TUBAL3: variants seen among roughly 807,000 people sequenced by gnomAD.
The protein encoded by TUBAL3 is tubulin alpha chain-like 3.
A neutral mutation model predicts 15.5 loss-of-function variants in TUBAL3; 16 were observed. The ratio of observed to expected loss-of-function variants is 1.04; its 90% CI spans 0.70 to 1.57. The LOEUF is 1.57. TUBAL3 is among the 40% of genes most tolerant of loss of function. The pLI is 0.00. For missense variants in TUBAL3, 609 were observed against 576.2 expected, an observed-to-expected ratio of 1.06 and a Z score of -0.58; for synonymous variants, 238 against 224.3, an observed-to-expected ratio of 1.06 and a Z score of -0.55.
rs1458301080 is a variant in TUBAL3 at position 5,395,110 on chromosome 10, A to AC, written c.396+216dup. On this transcript the variant is annotated intron_variant, in intron 3 of 3. Transcript: ENST00000380419. This position sits in a 1 kb window ranked among gnomAD's most constrained non-coding sequence, Gnocchi z 4.6. ...CCAGGGATGATCAGGTGATCAGGGG[A>AC]CCCCCCAGTAAGTATAAAAGTTTCT... 2.0e-5 allele frequency among the ~76,000 whole-genome samples: 3 copies of AC among 152,022 alleles called. No individual in the cohort carries two copies. Among genetic ancestry groups the AC allele is most frequent in the Non-Finnish European group, 2.9e-5 (2 of 68,002 alleles).
At chr10:5,399,484 G>A (rs1831816822) in intron 2 of TUBAL3, among the ~76,000 whole-genome samples, 1 of 152,180 alleles carries the variant, frequency 6.6e-6, no homozygotes, top group African/African-American at 2.4e-5. Context: ...CAACCACCAG[G>A]CACCCTGGTC....
chr10:5,394,312 G>A lies in TUBAL3; in HGVS notation c.546C>T (p.Pro182=). The A allele has an allele frequency of 6.2e-7, 1 of 1,613,580 alleles. No homozygotes were observed. Among genetic ancestry groups the A allele is most frequent in the Non-Finnish European group, 8.5e-7 (1 of 1,179,546 alleles). ...TKLEFSVYPA[P]RISTAVVEPY... is the part of the protein sequence containing the mutation. Reference sequence around the variant, plus strand: ...GCTCTACCACAGCAGTGGAGATCCTGGGGGCTGGGTAGACCGAGAACTCCA... The same window carrying A: ...GCTCTACCACAGCAGTGGAGATCCTAGGGGCTGGGTAGACCGAGAACTCCA... The change falls in exon 4 of 4, where the codon CCC becomes CCT. Residue 182 remains proline, a synonymous_variant. Coordinates refer to ENST00000380419, the MANE Select transcript of TUBAL3 (RefSeq NM_024803.3). This position sits in a 1 kb window ranked among gnomAD's most constrained non-coding sequence, Gnocchi z 4.3.
Position 5,396,997 on chromosome 10 carries a change from T to C in TUBAL3, c.248-1522A>G, listed in dbSNP as rs551138946. 1.8e-4 allele frequency among the ~76,000 whole-genome samples: 27 copies of C among 152,306 alleles called. No individual in the cohort carries two copies. Among genetic ancestry groups the C allele is most frequent in the Admixed American group, 1.1e-3 (17 of 15,292 alleles). On this transcript the variant is annotated intron_variant, in intron 2 of 3. Coordinates refer to ENST00000380419, the MANE Select transcript of TUBAL3 (RefSeq NM_024803.3). This position sits in a 1 kb window ranked among gnomAD's most constrained non-coding sequence, Gnocchi z 5.1. The stretch of plus-strand genomic sequence containing the variant: ...AAGGATTATAACAAGATCTACCCCA[T>C]TGAGCTGTTACGAGAACATAGGGCA...
At chr10:5,398,240 G>A (rs1241823008) in intron 2 of TUBAL3, among the ~76,000 whole-genome samples, 1 of 152,034 alleles carries the variant, frequency 6.6e-6, no homozygotes, top group Non-Finnish European at 1.5e-5. Context: ...GGCCAACGTG[G>A]TGAAACCCTG....
At position 5,401,098 on chromosome 10, in the gene TUBAL3, T is replaced by A. The variant is rs1564452575; in HGVS notation, c.4-11A>T. ...GGAAAGGCACTCCCTCTAAAATAAGTCATGGTGAGTTGGAACTGAGCAGGT... is the reference window on the plus strand; with the variant it reads ...GGAAAGGCACTCCCTCTAAAATAAGACATGGTGAGTTGGAACTGAGCAGGT... On this transcript the variant is annotated splice_polypyrimidine_tract_variant and intron_variant, in intron 1 of 3. Coordinates refer to ENST00000380419, the MANE Select transcript of TUBAL3 (RefSeq NM_024803.3). 1 of 1,613,614 alleles carries A rather than the reference T, an allele frequency of 6.2e-7. No individual in the cohort carries two copies. Among genetic ancestry groups the A allele is most frequent in the East Asian group, 2.2e-5 (1 of 44,878 alleles).
rs1169331029 is a variant in TUBAL3, at chr10:5,394,072, G to T, written c.786C>A (p.Phe262Leu). Residue 262 changes from phenylalanine (F) to leucine (L), a missense_variant, in exon 4 of 4, where the codon TTC becomes TTA. By Grantham distance (22) the Phe-to-Leu change is conservative. Coordinates refer to ENST00000380419, the MANE Select transcript of TUBAL3 (RefSeq NM_024803.3). This position sits in a 1 kb window ranked among gnomAD's most constrained non-coding sequence, Gnocchi z 4.3. The stretch of plus-strand genomic sequence containing the variant: ...TCGGATAAGGTACCAGGTTGGTCTG[G>T]AATTCAATTAGGTCTACATTCAAGG... The part of the protein sequence containing the change: ...EGPLNVDLIE[F>L]QTNLVPYPRI... The T allele has an allele frequency of 1.2e-6, 2 of 1,614,066 alleles. No individual in the cohort carries two copies. The highest frequency in any genetic ancestry group is 1.7e-6 in the Non-Finnish European group (2 of 1,180,044).
chr10:5,399,912 T>C (rs1831824395), intron 2 of TUBAL3, among the ~76,000 whole-genome samples: 1 of 152,334 alleles, frequency 6.6e-6, no homozygotes, highest in South Asian at 2.1e-4. Context: ...GCAATCATTA[T>C]TGCCTTAAAC....
chr10:5,400,735 G>T, intron 2 of TUBAL3, 109 bp downstream of exon 2: 1 of 1,393,076 alleles, frequency 7.2e-7, no homozygotes, highest in Non-Finnish European at 9.9e-7. Context: ...TTTGGGAAAG[G>T]TCCATGTGAT....
chr10:5,403,555 A>AG (rs1217913936), intron 1 of TUBAL3, among the ~76,000 whole-genome samples: 16 of 151,216 alleles, frequency 1.1e-4, no homozygotes, highest in Admixed American at 5.3e-4. Flanking sequence ...AAAAAAAAAA[A>AG]GATTGTTCCT....
At chr10:5,398,787 G>A (rs773835281) in intron 2 of TUBAL3, among the ~76,000 whole-genome samples, 1 of 152,016 alleles carries the variant, frequency 6.6e-6, no homozygotes, top group Non-Finnish European at 1.5e-5. Flanking sequence ...ATCAGCTGTT[G>A]TTAGTGTGAG....
rs1037365813 is a variant in TUBAL3 at position 5,395,870 on chromosome 10, C to T, written c.248-395G>A. 6.6e-6 allele frequency among the ~76,000 whole-genome samples: 1 copy of T among 152,142 alleles called. No individual in the cohort carries two copies. The highest frequency in any genetic ancestry group is 1.5e-5 in the Non-Finnish European group (1 of 68,006). Reference sequence around the variant, plus strand: ...CGTCTGGTCCAAACATCTCTCCTGGCACCGGGTGACTTACAATTCTTAGCT... The same window carrying T: ...CGTCTGGTCCAAACATCTCTCCTGGTACCGGGTGACTTACAATTCTTAGCT... On this transcript the variant is annotated intron_variant, in intron 2 of 3. Coordinates refer to ENST00000380419, the MANE Select transcript of TUBAL3 (RefSeq NM_024803.3). The surrounding 1 kb of genome is among the most constrained non-coding windows in gnomAD (Gnocchi z 4.6).
rs782181570 is a variant in TUBAL3, at chr10:5,397,672, GA to G, written c.248-2198del. 6.6e-6 allele frequency among the ~76,000 whole-genome samples: 1 copy of G among 152,152 alleles called. No homozygotes were observed. The highest frequency in any genetic ancestry group is 2.4e-5 in the African/African-American group (1 of 41,424). On this transcript the variant is annotated intron_variant, in intron 2 of 3. Transcript: ENST00000380419. This position sits in a 1 kb window ranked among gnomAD's most constrained non-coding sequence, Gnocchi z 4.9. ...GGTGCCCTTAATCAATATCCTCAGA[GA>G]CATCAATGGCTTTTGAACAATTACA...
In TUBAL3 at chr10:5,393,255, C is replaced by A; in HGVS notation, c.*262G>T. Reference sequence around the variant, plus strand: ...GTCTCTTGGTAAAACAAAAAAATCCCACCTAGAAGTGACTCAGCAGTTCAA... The same window carrying A: ...GTCTCTTGGTAAAACAAAAAAATCCAACCTAGAAGTGACTCAGCAGTTCAA... On this transcript the variant is annotated 3_prime_UTR_variant, in exon 4 of 4. Coordinates refer to ENST00000380419, the MANE Select transcript of TUBAL3 (RefSeq NM_024803.3). The A allele has an allele frequency of 2.7e-6, 1 of 366,962 alleles. No homozygotes were observed. The highest frequency in any genetic ancestry group is 4.1e-5 in the East Asian group (1 of 24,166). 22.7% of individuals were successfully genotyped at this position (366,962 alleles called of 1,614,324 possible).
Position 5,400,935 on chromosome 10 carries a change from T to C in TUBAL3, c.156A>G (p.Thr52=). The part of the protein sequence containing the change: ...DQLENAKMEH[T]NASFDTFFCE... Reference sequence around the variant, plus strand: ...AGAAGAAGGTATCGAAAGATGCATTTGTGTGCTCCATTTTTGCATTTTCCA... The same window carrying C: ...AGAAGAAGGTATCGAAAGATGCATTCGTGTGCTCCATTTTTGCATTTTCCA... The change falls in exon 2 of 4, where the codon ACA becomes ACG. Residue 52 remains threonine, a synonymous_variant. Coordinates refer to ENST00000380419, the MANE Select transcript of TUBAL3 (RefSeq NM_024803.3). 6.2e-7 allele frequency: 1 copy of C among 1,614,238 alleles called. No individual in the cohort carries two copies.
chr10:5,401,017 C>A lies in TUBAL3; in HGVS notation c.74G>T (p.Cys25Phe). The stretch of plus-strand genomic sequence containing the variant: ...ATTTGGCTGGATTCCATGTTCCAGG[C>A]AATAGAGTTCCCAGCAGGCGTCCCC... ...QIGDACWELYCLEHGIQPNGV... is the reference protein window; with the variant it reads ...QIGDACWELYFLEHGIQPNGV... The change falls in exon 2 of 4, where the codon TGC (cysteine) becomes TTC (phenylalanine). Residue 25 changes from cysteine (C) to phenylalanine (F), a missense_variant. Cys to Phe is a radical substitution (Grantham distance 205). Coordinates refer to ENST00000380419, the MANE Select transcript of TUBAL3 (RefSeq NM_024803.3). The A allele has an allele frequency of 6.2e-7, 1 of 1,614,130 alleles. No homozygotes were observed. The highest frequency in any genetic ancestry group is 8.5e-7 in the Non-Finnish European group (1 of 1,180,016).
Position 5,400,827 on chromosome 10 carries a change from T to C in TUBAL3, c.247+17A>G, listed in dbSNP as rs189852688. 3.3e-4 allele frequency: 527 copies of C among 1,613,872 alleles called. 1 individual carries two copies. The African/African-American group carries it at 6.0e-3, about 18-fold the overall frequency. On this transcript the variant is annotated intron_variant, in intron 2 of 3. Coordinates refer to ENST00000380419, the MANE Select transcript of TUBAL3 (RefSeq NM_024803.3). ...GTGGCTCCAGTTAAGTATGCTAGAATGGAACATTTATTGTACCTATAACAG... is the reference window on the plus strand; with the variant it reads ...GTGGCTCCAGTTAAGTATGCTAGAACGGAACATTTATTGTACCTATAACAG...
chr10:5,399,442 T>G (rs1330934031), intron 2 of TUBAL3, among the ~76,000 whole-genome samples: 3 of 152,202 alleles, frequency 2.0e-5, no homozygotes, highest in Non-Finnish European at 4.4e-5. Context: ...GGCAGCCATC[T>G]GCAAGCTGGG....
chr10:5,398,677 C>G (rs1310093473), intron 2 of TUBAL3, among the ~76,000 whole-genome samples: 2 of 152,204 alleles, frequency 1.3e-5, no homozygotes, highest in Non-Finnish European at 2.9e-5. Flanking sequence ...GCAAGCTTGT[C>G]CATCCCGCAG....
intron 1 of TUBAL3, among the ~76,000 whole-genome samples, chr10:5,404,520 G>C (rs1194637737): frequency 6.6e-6 from 1 of 152,106 alleles, no homozygotes; most frequent in East Asian, 1.9e-4. Context: ...GGAAGGAAAG[G>C]TTTTTGCTTC....
Sources: allele counts gnomAD v4.1 joint callset (sites outside exome capture counted in the v4.1 genomes callset), GRCh38; gene constraint gnomAD v4.1.1; non-coding constraint Gnocchi (gnomAD v3.1); transcripts MANE v1.5; gene names NCBI Gene and HGNC (gene_info 2026-07-23, HGNC 2026-07-21).